UBE2D3: variants seen among roughly 807,000 people sequenced by gnomAD.
The protein encoded by UBE2D3 is ubiquitin-conjugating enzyme E2 D3.
UBE2D3 carries 2 observed loss-of-function variants against 22.8 expected under a neutral mutation model. The observed-to-expected ratio is 0.09, with a 90% CI of 0.04 to 0.28. The LOEUF (loss-of-function observed/expected upper bound fraction) is 0.28. Ranked by LOEUF, UBE2D3 falls within the 10% of genes least tolerant of loss-of-function variation. The pLI, the probability that UBE2D3 is intolerant of heterozygous loss-of-function variation, is 1.00. For missense variants in UBE2D3, 27 were observed against 182.5 expected, an observed-to-expected ratio of 0.15 and a Z score of 4.91; for synonymous variants, 56 against 60.4, an observed-to-expected ratio of 0.93 and a Z score of 0.34.
intron 1 of UBE2D3, among the ~76,000 whole-genome samples, chr4:102,833,841 GTATATATTACACCTATGAGAAAATGC>G (rs973764110): frequency 1.3e-5 from 2 of 152,134 alleles, no homozygotes; most frequent in African/African-American, 4.8e-5. Context: ...CACCCTCCCT[GTATATATTACACCTATGAGAAAATGC>G]TCCATAGAAT....
At position 102,796,244 on chromosome 4, in the gene UBE2D3, G is replaced by A. The variant is rs1266253991; in HGVS notation, c.*1171C>T. ...GTGAAGAGAAATTTCAGTTAGACAG[G>A]GGCTGCACCTGGAAAATAAATTTCT... is the stretch of plus-strand genomic sequence containing the variant. On this transcript the variant is annotated 3_prime_UTR_variant, in exon 8 of 8. Coordinates refer to ENST00000453744, the MANE Select transcript of UBE2D3 (RefSeq NM_181891.3). 6.6e-6 allele frequency: 1 copy of A among 152,058 alleles called. No homozygotes were observed. The highest frequency in any genetic ancestry group is 2.4e-5 in the African/African-American group (1 of 41,292). The allele number at this position is 152,058 out of a possible 1,614,324, so 9.4% of individuals were successfully genotyped here. A position where few individuals can be genotyped will look rare whatever the true frequency, so the allele number is the denominator to read the frequency against.
chr4:102,810,123 T>G, intron 2 of UBE2D3: 1 of 365,082 alleles, frequency 2.7e-6, no homozygotes, highest in Non-Finnish European at 5.0e-6. Context: ...CAAACCGAAA[T>G]AGCTATAATT....
intron 2 of UBE2D3, chr4:102,819,477 T>A: frequency 1.3e-6 from 1 of 790,956 alleles, no homozygotes; most frequent in Non-Finnish European, 1.5e-6. Context: ...TATCTGAACA[T>A]TCGGTTAACT....
Position 102,794,632 on chromosome 4 carries a change from A to G in UBE2D3, c.*2783T>C, listed in dbSNP as rs1014851543. 1.3e-5 allele frequency: 2 copies of G among 150,178 alleles called. No individual in the cohort carries two copies. The highest frequency in any genetic ancestry group is 2.5e-5 in the African/African-American group (1 of 40,340). The allele number at this position is 150,178 out of a possible 1,614,324, so 9.3% of individuals were successfully genotyped here. A position where few individuals can be genotyped will look rare whatever the true frequency, so the allele number is the denominator to read the frequency against. Reference sequence around the variant, plus strand: ...ACACAGCATGATCAGTACCTTAAGTATACTTCAACTAAGCCATTTCAACAA... The same window carrying G: ...ACACAGCATGATCAGTACCTTAAGTGTACTTCAACTAAGCCATTTCAACAA... On this transcript the variant is annotated 3_prime_UTR_variant, in exon 8 of 8. Transcript: ENST00000453744.
chr4:102,808,873 T>TAAGG (rs1727497214), intron 4 of UBE2D3, among the ~76,000 whole-genome samples: 1 of 152,148 alleles, frequency 6.6e-6, no homozygotes, highest in African/African-American at 2.4e-5. Flanking sequence ...TTTTTTCCTT[T>TAAGG]AGAATTCTAA....
intron 1 of UBE2D3, among the ~76,000 whole-genome samples, chr4:102,848,367 G>A (rs960881544): frequency 6.6e-6 from 1 of 151,630 alleles, no homozygotes; most frequent in African/African-American, 2.4e-5. Context: ...AAAATAGGCC[G>A]GGCATGGTGG....
intron 1 of UBE2D3, among the ~76,000 whole-genome samples, chr4:102,837,330 C>A (rs2110351624): frequency 6.6e-6 from 1 of 152,204 alleles, no homozygotes; most frequent in Non-Finnish European, 1.5e-5. Context: ...AAATAAAGCT[C>A]AATAATAAAT....
chr4:102,827,667 G>A (rs570912731), upstream of UBE2D3: 3 of 986,262 alleles, frequency 3.0e-6, no homozygotes, highest in Admixed American at 1.2e-4. Context: ...AAGCCAGACG[G>A]CTTGCTTCCC....
chr4:102,863,733 ATCTGCCCAGC>A (rs1733011672), intron 1 of UBE2D3, among the ~76,000 whole-genome samples: 1 of 152,140 alleles, frequency 6.6e-6, no homozygotes, highest in Non-Finnish European at 1.5e-5. Flanking sequence ...GTCTCAAGTG[ATCTGCCCAGC>A]TCAGCCTCCC....
At chr4:102,835,600 C>T (rs1731350836) in intron 1 of UBE2D3, among the ~76,000 whole-genome samples, 1 of 152,202 alleles carries the variant, frequency 6.6e-6, no homozygotes, top group Non-Finnish European at 1.5e-5. Flanking sequence ...CCCAAAGAAA[C>T]TATTTCAGTT....
intron 2 of UBE2D3, among the ~76,000 whole-genome samples, chr4:102,823,437 T>C (rs1225030470): frequency 6.6e-6 from 1 of 152,246 alleles, no homozygotes; most frequent in African/African-American, 2.4e-5. Flanking sequence ...ATGGTTTCCC[T>C]GCTAGCCGCT....
intron 1 of UBE2D3, chr4:102,843,299 C>G (rs1260370272): frequency 6.6e-6 from 1 of 151,244 alleles, no homozygotes; most frequent in South Asian, 2.1e-4. Flanking sequence ...GATTTTGTTT[C>G]ATTTTTTTTT....
chr4:102,850,778 A>C lies in UBE2D3; in HGVS notation c.-129+17937T>G, dbSNP rs186306454. ...AAAAAGAAATGAAATAATGGCATTC[A>C]CAGCAACTTGGATGGAGTTGGAGAC... On this transcript the variant is annotated intron_variant, in intron 1 of 7. Transcript: ENST00000338145. Among the ~76,000 whole-genome samples, 9 of 152,330 alleles carry C rather than the reference A, an allele frequency of 5.9e-5. No homozygotes were observed. In the East Asian group the frequency reaches 1.7e-3, roughly 29 times the overall value.
intron 1 of UBE2D3, among the ~76,000 whole-genome samples, chr4:102,838,128 G>T (rs1731520832): frequency 6.6e-6 from 1 of 152,042 alleles, no homozygotes; most frequent in Admixed American, 6.6e-5. Context: ...AAAAAAAACT[G>T]TGTACACTTG....
intron 1 of UBE2D3, among the ~76,000 whole-genome samples, chr4:102,862,424 G>C (rs917573284): frequency 6.6e-6 from 1 of 151,678 alleles, no homozygotes; most frequent in Non-Finnish European, 1.5e-5. Flanking sequence ...CTTTTAATTT[G>C]TTAAAGCATA....
intron 2 of UBE2D3, among the ~76,000 whole-genome samples, chr4:102,820,771 A>T (rs542149284): frequency 6.6e-6 from 1 of 152,302 alleles, no homozygotes; most frequent in African/African-American, 2.4e-5. Context: ...ATTAACAGCC[A>T]AACAGCTGCC....
chr4:102,861,027 C>A (rs966850792), intron 1 of UBE2D3, among the ~76,000 whole-genome samples: 1 of 151,926 alleles, frequency 6.6e-6, no homozygotes, highest in Non-Finnish European at 1.5e-5. Context: ...CTAGACTATT[C>A]ATCTGTGAAG....
At chr4:102,806,343 C>T (rs574367694) in intron 4 of UBE2D3, among the ~76,000 whole-genome samples, 3 of 152,044 alleles carry the variant, frequency 2.0e-5, no homozygotes, top group South Asian at 2.1e-4. Flanking sequence ...TTCTTTTATA[C>T]CTCTTTAAGC....
At chr4:102,817,704 C>T (rs750653233) in intron 2 of UBE2D3, among the ~76,000 whole-genome samples, 32 of 152,098 alleles carry the variant, frequency 2.1e-4, no homozygotes, top group Non-Finnish European at 3.5e-4. Context: ...TATTTATTTC[C>T]GCATAACCAT....
Sources: allele counts gnomAD v4.1 joint callset (sites outside exome capture counted in the v4.1 genomes callset), GRCh38; gene constraint gnomAD v4.1.1; transcripts MANE v1.5; gene names NCBI Gene and HGNC (gene_info 2026-07-23, HGNC 2026-07-21).